Variants in SLC7A5 observed in about 807,000 individuals in gnomAD.
SLC7A5 encodes the protein solute carrier family 7 member 5, also known as large neutral amino acids transporter small subunit 1.
SLC7A5 carries 23 observed loss-of-function variants against 50.2 expected under a neutral mutation model. The ratio of observed to expected loss-of-function variants is 0.46; its 90% CI spans 0.33 to 0.65. SLC7A5 has a LOEUF of 0.65. Among genes scored for constraint, SLC7A5 ranks in the 30% least tolerant of loss-of-function variants. The pLI, the probability that SLC7A5 is intolerant of heterozygous loss-of-function variation, is 0.02. For synonymous variants in SLC7A5, 393 were observed against 330.6 expected, an observed-to-expected ratio of 1.19 and a Z score of -2.05; for missense variants, 578 against 684.4, an observed-to-expected ratio of 0.84 and a Z score of 1.73.
chr16:87,863,507 A>C (rs1017758603), intron 1 of SLC7A5: 3 of 152,226 alleles, frequency 2.0e-5, no homozygotes, highest in Admixed American at 1.3e-4. Flanking sequence ...TTCGTTAAGC[A>C]ATAAATAACC....
chr16:87,836,880 G>A (rs2055012458), intron 7 of SLC7A5: 27 of 546,178 alleles, frequency 4.9e-5, no homozygotes, highest in Middle Eastern at 5.0e-4. Flanking sequence ...AGGGAGGAGA[G>A]GAGGGAAGGA....
rs548013762 is a variant in SLC7A5, at chr16:87,840,854, G to A, written c.770+196C>T. On this transcript the variant is annotated intron_variant, in intron 3 of 9. Transcript: ENST00000261622. Reference sequence around the variant, plus strand: ...GAGCCAGAGTAGGGCTGCAGCGGGCGGCCTCCCCACGCTTCGTCGGGATGT... The same window carrying A: ...GAGCCAGAGTAGGGCTGCAGCGGGCAGCCTCCCCACGCTTCGTCGGGATGT... 6.2e-4 allele frequency among the ~76,000 whole-genome samples: 94 copies of A among 151,854 alleles called. 1 individual carries two copies. The highest frequency in any genetic ancestry group is 3.4e-3 in the Middle Eastern group (1 of 294).
chr16:87,843,865 C>G (rs1033356078), intron 2 of SLC7A5, among the ~76,000 whole-genome samples: 7 of 152,206 alleles, frequency 4.6e-5, no homozygotes, highest in Non-Finnish European at 1.0e-4. Context: ...AGCCTCTACC[C>G]CTGCCGGGAG....
chr16:87,836,647 A>G lies in SLC7A5; in HGVS notation c.1141T>C (p.Cys381Arg). The G allele has an allele frequency of 1.9e-6, 3 of 1,612,216 alleles. No individual in the cohort carries two copies. The highest frequency in any genetic ancestry group is 1.7e-6 in the Non-Finnish European group (2 of 1,179,994). The change falls in exon 8 of 10, where the codon TGT (cysteine) becomes CGT (arginine). Residue 381 changes from cysteine to arginine, a missense_variant and splice_region_variant. Around this residue, in one of 2 missense-constraint regions of SLC7A5, gnomAD observed 465 missense variants for 594.6 expected, o/e 0.78. Coordinates refer to ENST00000261622, the MANE Select transcript of SLC7A5 (RefSeq NM_003486.7). ...LTPVPSLVFTCVMTLLYAFSK... is the reference protein window; with the variant it reads ...LTPVPSLVFTRVMTLLYAFSK... Reference sequence around the variant, plus strand: ...AAGGCGTAGAGCAGCGTCATCACACACTGGAAGAGAGAGGCGGCTGGCTGA... The same window carrying G: ...AAGGCGTAGAGCAGCGTCATCACACGCTGGAAGAGAGAGGCGGCTGGCTGA...
At position 87,869,467 on chromosome 16, in the gene SLC7A5, C is replaced by T. The variant is rs1186289321; in HGVS notation, c.-45G>A. 250 of 1,253,906 alleles carry T rather than the reference C, an allele frequency of 2.0e-4. 1 individual carries two copies. The highest frequency in any genetic ancestry group is 2.5e-4 in the Non-Finnish European group (250 of 1,002,830). 77.7% of individuals were successfully genotyped at this position (1,253,906 alleles called of 1,614,324 possible). On this transcript the variant is annotated 5_prime_UTR_variant, in exon 1 of 10. Transcript: ENST00000261622. ...CCTGGGACACCCGGGAGCCGCGGCCCAGCGAGCAGTGTGCGCGCCGCCCGC... is the reference window on the plus strand; with the variant it reads ...CCTGGGACACCCGGGAGCCGCGGCCTAGCGAGCAGTGTGCGCGCCGCCCGC...
In SLC7A5 at chr16:87,869,335, T is replaced by G. The variant is rs1050585288; in HGVS notation, c.88A>C (p.Lys30Gln). The G allele has an allele frequency of 8.7e-6, 14 of 1,609,746 alleles. No homozygotes were observed. In the African/African-American group the frequency reaches 1.9e-4, roughly 22 times the overall value. ...GCCGGCGCCGAGCCGTCCGCGCTCT[T>G]GGCGGCCAGCATCTTCTCCCGCGCC... is the stretch of plus-strand genomic sequence containing the variant. Reference protein sequence around the residue: ...EEAREKMLAAKSADGSAPAGE... With the variant: ...EEAREKMLAAQSADGSAPAGE... The change falls in exon 1 of 10, where the codon AAG becomes CAG. Residue 30 changes from lysine (K) to glutamine (Q), a missense_variant. Lys to Gln is a moderately conservative substitution (Grantham distance 53). Around this residue, in one of 2 missense-constraint regions of SLC7A5, gnomAD observed 113 missense variants for 89.8 expected, o/e 1.26. Transcript: ENST00000261622.
At position 87,862,844 on chromosome 16, in the gene SLC7A5, A is replaced by G. The variant is rs1363553445; in HGVS notation, c.538+6041T>C. Among the ~76,000 whole-genome samples the G allele has an allele frequency of 6.6e-6, 1 of 152,202 alleles. No individual in the cohort carries two copies. The highest frequency in any genetic ancestry group is 6.5e-5 in the Admixed American group (1 of 15,282). On this transcript the variant is annotated intron_variant, in intron 1 of 9. Coordinates refer to ENST00000261622, the MANE Select transcript of SLC7A5 (RefSeq NM_003486.7). The surrounding 1 kb of genome is among the most constrained non-coding windows in gnomAD (Gnocchi z 5.3). The stretch of plus-strand genomic sequence containing the variant: ...CTAGCTGGACAGTGTCTCAGCTCAC[A>G]GGTTCCTAAACGCATACCCGCCCAC...
chr16:87,864,277 A>T lies in SLC7A5; in HGVS notation c.538+4608T>A, dbSNP rs1413872696. 2.0e-5 allele frequency among the ~76,000 whole-genome samples: 3 copies of T among 151,752 alleles called. No homozygotes were observed. In the East Asian group the frequency reaches 5.8e-4, roughly 29 times the overall value. ...ATTGCACTCCAGCCTGGACAAAAAG[A>T]GCGAAACTCCACCTCAAAATAAATA... On this transcript the variant is annotated intron_variant, in intron 1 of 9. Transcript: ENST00000261622.
In SLC7A5 at chr16:87,833,140, C is replaced by T. The variant is rs2054953881; in HGVS notation, c.1469-115G>A. ...GCTGTCACCAAACCCAGCGCCGCTG[C>T]CCAGCGCTGGGATTTTAAGGAACCT... On this transcript the variant is annotated intron_variant, in intron 9 of 9. Coordinates refer to ENST00000261622, the MANE Select transcript of SLC7A5 (RefSeq NM_003486.7). The surrounding 1 kb of genome is among the most constrained non-coding windows in gnomAD (Gnocchi z 6.0). 2 of 863,084 alleles carry T rather than the reference C, an allele frequency of 2.3e-6. No homozygotes were observed. The highest frequency in any genetic ancestry group is 2.5e-5 in the East Asian group (1 of 40,604). 53.5% of individuals were successfully genotyped at this position (863,084 alleles called of 1,614,324 possible).
intron 2 of SLC7A5, among the ~76,000 whole-genome samples, chr16:87,845,941 C>T (rs987842403): frequency 6.6e-6 from 1 of 152,198 alleles, no homozygotes; most frequent in Non-Finnish European, 1.5e-5. Context: ...ACCGGCAGAG[C>T]CCCAGCTTCC....
chr16:87,867,285 T>C lies in SLC7A5; in HGVS notation c.538+1600A>G, dbSNP rs1395846116. Among the ~76,000 whole-genome samples, 3 of 152,216 alleles carry C rather than the reference T, an allele frequency of 2.0e-5. No individual in the cohort carries two copies. In the East Asian group the frequency reaches 5.8e-4, roughly 29 times the overall value. On this transcript the variant is annotated intron_variant, in intron 1 of 9. Coordinates refer to ENST00000261622, the MANE Select transcript of SLC7A5 (RefSeq NM_003486.7). The stretch of plus-strand genomic sequence containing the variant: ...GTAAGCTACTATCCATGTCGTTACA[T>C]ACCGGGCCGACATGTACCTAGGCGG...
chr16:87,867,608 T>A (rs1285731711), intron 1 of SLC7A5, among the ~76,000 whole-genome samples: 1 of 149,372 alleles, frequency 6.7e-6, no homozygotes, highest in Non-Finnish European at 1.5e-5. Context: ...CAACAGGTCC[T>A]GCCAGTCAGA....
chr16:87,860,677 C>A lies in SLC7A5; in HGVS notation c.538+8208G>T, dbSNP rs569313191. 6.6e-6 allele frequency among the ~76,000 whole-genome samples: 1 copy of A among 152,310 alleles called. No individual in the cohort carries two copies. The highest frequency in any genetic ancestry group is 1.5e-5 in the Non-Finnish European group (1 of 68,036). ...TTACAGAGTCTGGCTTTCTCGTTAA[C>A]AAGCAGCTCACACATACAGTGTCTC... On this transcript the variant is annotated intron_variant, in intron 1 of 9. Transcript: ENST00000261622. This position sits in a 1 kb window ranked among gnomAD's most constrained non-coding sequence, Gnocchi z 4.8.
At chr16:87,835,099 G>C (rs1026113194) in intron 8 of SLC7A5, among the ~76,000 whole-genome samples, 6 of 152,288 alleles carry the variant, frequency 3.9e-5, no homozygotes, top group Non-Finnish European at 8.8e-5. Flanking sequence ...AGGGCTGCAA[G>C]GAGCCTGCAG....
intron 2 of SLC7A5, among the ~76,000 whole-genome samples, chr16:87,844,797 A>G (rs999645653): frequency 2.0e-5 from 3 of 152,066 alleles, no homozygotes; most frequent in East Asian, 2.0e-4. Flanking sequence ...CCGCCTTCCA[A>G]CCACTCTGGC....
intron 2 of SLC7A5, among the ~76,000 whole-genome samples, chr16:87,847,907 C>T (rs1354596605): frequency 2.0e-5 from 3 of 152,232 alleles, no homozygotes; most frequent in South Asian, 4.1e-4. Context: ...ACGTATTTAC[C>T]GCCTGGGACA....
rs1454608497 is a variant in SLC7A5, at chr16:87,860,608, C to A, written c.538+8277G>T. On this transcript the variant is annotated intron_variant, in intron 1 of 9. Coordinates refer to ENST00000261622, the MANE Select transcript of SLC7A5 (RefSeq NM_003486.7). This position sits in a 1 kb window ranked among gnomAD's most constrained non-coding sequence, Gnocchi z 4.8. ...GGCACATGTCCTCAGGGCCTCCAGG[C>A]CTTGGTCCTCACATTTGACTCCGGA... Among the ~76,000 whole-genome samples, 3 of 152,138 alleles carry A rather than the reference C, an allele frequency of 2.0e-5. No homozygotes were observed. Among genetic ancestry groups the A allele is most frequent in the African/African-American group, 7.2e-5 (3 of 41,436 alleles).
At chr16:87,859,290 C>G (rs970446524) in intron 1 of SLC7A5, among the ~76,000 whole-genome samples, 4 of 152,210 alleles carry the variant, frequency 2.6e-5, no homozygotes, top group African/African-American at 7.2e-5. Flanking sequence ...AAGGCCCCTA[C>G]ACGGTAGCAG....
At position 87,834,557 on chromosome 16, in the gene SLC7A5, G is replaced by A. The variant is rs750746148; in HGVS notation, c.1325C>T (p.Ala442Val). ...GGAGACGGCGATCAGGAAGAGGCAG[G>A]CCAGGATGAAGAACACAGGCAGGGC... ...NLALPVFFIL[A>V]CLFLIAVSFW... Residue 442 changes from alanine (A) to valine (V), a missense_variant, in exon 9 of 10, where the codon GCC becomes GTC. This residue lies in a region of SLC7A5 where 465 missense variants were observed against 594.6 expected (regional missense o/e 0.78). Transcript: ENST00000261622. 6.3e-7 allele frequency: 1 copy of A among 1,598,550 alleles called. No homozygotes were observed. Among genetic ancestry groups the A allele is most frequent in the South Asian group, 1.1e-5 (1 of 87,694 alleles).
Sources: allele counts gnomAD v4.1 joint callset (sites outside exome capture counted in the v4.1 genomes callset), GRCh38; gene constraint gnomAD v4.1.1; regional missense constraint gnomAD v4.1.1; non-coding constraint Gnocchi (gnomAD v3.1); transcripts MANE v1.5; gene names NCBI Gene and HGNC (gene_info 2026-07-23, HGNC 2026-07-21).